TVP23C: variants seen among roughly 807,000 people sequenced by gnomAD.
TVP23C encodes Golgi apparatus membrane protein TVP23 homolog C.
TVP23C carries 19 observed loss-of-function variants against 28.7 expected under a neutral mutation model. The ratio of observed to expected loss-of-function variants is 0.66; its 90% confidence interval spans 0.46 to 0.97. The LOEUF (loss-of-function observed/expected upper bound fraction) is 0.97, where lower values mean the gene tolerates loss of function less well. Ranked by LOEUF, TVP23C falls within the 50% of genes least tolerant of loss-of-function variation. The pLI is 0.00. For missense variants in TVP23C, 186 were observed against 241.3 expected (o/e 0.77, Z 1.52); for synonymous variants, 68 against 81.7 (o/e 0.83, Z 0.90).
At chr17:15,507,556 A>G (rs1210694164) in intron 5 of TVP23C, among the ~76,000 whole-genome samples, 1 of 152,204 alleles carries the variant, frequency 6.6e-6, no homozygotes, top group Non-Finnish European at 1.5e-5. Flanking sequence ...AAATCTAAAT[A>G]GGCCGGGCGC....
chr17:15,538,934 T>C lies in TVP23C; in HGVS notation c.*1478A>G, dbSNP rs1983280292. Reference sequence around the variant, plus strand: ...ACATGAATATTCATTTTCTCTACTTTTCATCTTCTGTGAGAGAAACTGTAC... The same window carrying C: ...ACATGAATATTCATTTTCTCTACTTCTCATCTTCTGTGAGAGAAACTGTAC... On this transcript the variant is annotated 3_prime_UTR_variant, in exon 6 of 6. Coordinates refer to ENST00000518321, the MANE Select transcript of TVP23C (RefSeq NM_001135036.2). The C allele has an allele frequency of 1.0e-6, 1 of 985,746 alleles. No homozygotes were observed. The highest frequency in any genetic ancestry group is 1.2e-6 in the Non-Finnish European group (1 of 829,938). 61.1% of individuals were successfully genotyped at this position (985,746 alleles called of 1,614,324 possible).
At chr17:15,559,613 C>CA in intron 1 of TVP23C, among the ~76,000 whole-genome samples, 1 of 148,600 alleles carries the variant, frequency 6.7e-6, no homozygotes, top group Non-Finnish European at 1.5e-5. Flanking sequence ...GACAAAAGCA[C>CA]AACGCTAGGA....
At chr17:15,531,502 TC>T (rs58677057) in intron 5 of TVP23C, among the ~76,000 whole-genome samples, 263 of 152,344 alleles carry the variant, frequency 1.7e-3, no homozygotes, top group African/African-American at 6.0e-3. Flanking sequence ...TTCTTTCTGT[TC>T]CTCGGACTGG....
chr17:15,531,778 T>G (rs1982958783), intron 5 of TVP23C, among the ~76,000 whole-genome samples: 1 of 152,284 alleles, frequency 6.6e-6, no homozygotes, highest in African/African-American at 2.4e-5. Flanking sequence ...GTTTTCTAAG[T>G]TTTTTCCCCC....
At chr17:15,519,393 G>A (rs1982370928) in intron 5 of TVP23C, among the ~76,000 whole-genome samples, 1 of 151,798 alleles carries the variant, frequency 6.6e-6, no homozygotes. Context: ...GATCATTTGA[G>A]CCCAGGAGTT....
chr17:15,522,263 C>G (rs1185415236), intron 5 of TVP23C, among the ~76,000 whole-genome samples: 5 of 152,072 alleles, frequency 3.3e-5, no homozygotes, highest in Non-Finnish European at 7.4e-5. Flanking sequence ...AGGAAATTCA[C>G]AAATATGAAA....
chr17:15,540,087 T>G lies in TVP23C; in HGVS notation c.*325A>C. On this transcript the variant is annotated 3_prime_UTR_variant, in exon 6 of 6. Coordinates refer to ENST00000518321, the MANE Select transcript of TVP23C (RefSeq NM_001135036.2). ...CAGCCTGGGCGACAGAGCAAAACTC[T>G]GTCTCAAAAAATAAAAATAAAAACA... 1 of 1,156,046 alleles carries G rather than the reference T, an allele frequency of 8.7e-7. No individual in the cohort carries two copies. Among genetic ancestry groups the G allele is most frequent in the Non-Finnish European group, 1.1e-6 (1 of 936,542 alleles). The allele number at this position is 1,156,046 out of a possible 1,614,324, so 71.6% of individuals were successfully genotyped here. A position where few individuals can be genotyped will look rare whatever the true frequency, so the allele number is the denominator to read the frequency against.
intron 5 of TVP23C, among the ~76,000 whole-genome samples, chr17:15,524,061 GGGGT>G (rs1456031760): frequency 1.5e-5 from 2 of 130,242 alleles, no homozygotes; most frequent in Non-Finnish European, 3.2e-5. Context: ...GTAGCAGAGT[GGGGT>G]GTGTGTGTGT....
intron 5 of TVP23C, among the ~76,000 whole-genome samples, chr17:15,515,687 C>G (rs570820395): frequency 1.3e-5 from 2 of 152,208 alleles, no homozygotes; most frequent in Middle Eastern, 6.8e-3. Context: ...AATGGAGACC[C>G]TAATGATCCT....
intron 1 of TVP23C, among the ~76,000 whole-genome samples, chr17:15,557,293 T>TG (rs1046030904): frequency 2.8e-5 from 4 of 145,142 alleles, no homozygotes; most frequent in African/African-American, 7.4e-5. Flanking sequence ...AGACAAGGTT[T>TG]TTTTTTTTTT....
chr17:15,548,329 G>A (rs1351297448), intron 3 of TVP23C, among the ~76,000 whole-genome samples: 1 of 152,280 alleles, frequency 6.6e-6, no homozygotes, highest in East Asian at 1.9e-4. Flanking sequence ...ATCATGCCCA[G>A]CTAATTTTGT....
chr17:15,559,895 G>A lies in TVP23C; in HGVS notation c.12+3542C>T, dbSNP rs1160050942. Among the ~76,000 whole-genome samples the A allele has an allele frequency of 6.0e-5, 9 of 148,868 alleles. 1 individual carries two copies. Among genetic ancestry groups the A allele is most frequent in the Non-Finnish European group, 1.1e-4 (7 of 66,558 alleles). On this transcript the variant is annotated intron_variant, in intron 1 of 5. Coordinates refer to ENST00000518321, the MANE Select transcript of TVP23C (RefSeq NM_001135036.2). Reference sequence around the variant, plus strand: ...CAATAATTAGAGATCACAAAGATAAGAAGGAATAGGCTGTGGGGACTGAAA... The same window carrying A: ...CAATAATTAGAGATCACAAAGATAAAAAGGAATAGGCTGTGGGGACTGAAA...
intron 5 of TVP23C, among the ~76,000 whole-genome samples, chr17:15,517,842 C>T (rs1213336928): frequency 6.6e-6 from 1 of 152,170 alleles, no homozygotes; most frequent in East Asian, 1.9e-4. Context: ...TCTCTTCCCA[C>T]TGCACCATAA....
chr17:15,503,377 C>A (rs980291163), intron 5 of TVP23C: 1 of 1,028,116 alleles, frequency 9.7e-7, no homozygotes, highest in Non-Finnish European at 1.4e-6. Context: ...TGCACTCCAG[C>A]CTGGGCGACA....
chr17:15,528,721 C>G (rs1297338758), intron 5 of TVP23C, among the ~76,000 whole-genome samples: 2 of 151,870 alleles, frequency 1.3e-5, no homozygotes, highest in Non-Finnish European at 2.9e-5. Flanking sequence ...CCTCAGCCTC[C>G]CAAGTAGCTG....
At chr17:15,550,778 G>C (rs1983850171) in intron 3 of TVP23C, among the ~76,000 whole-genome samples, 1 of 151,870 alleles carries the variant, frequency 6.6e-6, no homozygotes, top group South Asian at 2.1e-4. Flanking sequence ...CTTTTTGTTT[G>C]AGTTGATCTT....
intron 5 of TVP23C, among the ~76,000 whole-genome samples, chr17:15,509,501 CT>C (rs1365543003): frequency 6.6e-6 from 1 of 152,246 alleles, no homozygotes; most frequent in Non-Finnish European, 1.5e-5. Flanking sequence ...TTGCGAGTTT[CT>C]TGGTCTTTGC....
downstream of TVP23C, among the ~76,000 whole-genome samples, chr17:15,533,778 T>C (rs1983040455): frequency 6.6e-6 from 1 of 152,198 alleles, no homozygotes; most frequent in Non-Finnish European, 1.5e-5. Context: ...ATCATGGTTT[T>C]ACTCTGGATT....
chr17:15,559,773 G>A (rs1243629382), intron 1 of TVP23C, among the ~76,000 whole-genome samples: 1 of 148,378 alleles, frequency 6.7e-6, no homozygotes, highest in Non-Finnish European at 1.5e-5. Context: ...CTGGGGAGGT[G>A]GAGGAAGGGT....
Sources: gnomAD v4.1 joint callset for allele counts (sites outside exome capture counted in the v4.1 genomes callset) on GRCh38, gnomAD v4.1.1 for gene constraint, MANE v1.5 for transcripts, NCBI Gene and HGNC (gene_info 2026-07-23, HGNC 2026-07-21) for gene names.